Variants in SH3RF3 observed in about 807,000 individuals in gnomAD.
The protein encoded by SH3RF3 is E3 ubiquitin-protein ligase SH3RF3.
SH3RF3 carries 29 observed loss-of-function variants against 66.3 expected under a neutral mutation model. The ratio of observed to expected loss-of-function variants is 0.44; its 90% CI spans 0.33 to 0.60. SH3RF3 has a LOEUF of 0.60. Among genes scored for constraint, SH3RF3 ranks in the 20% least tolerant of loss-of-function variants. The pLI, the probability that SH3RF3 is intolerant of heterozygous loss-of-function variation, is 0.04. For synonymous variants in SH3RF3, 583 were observed against 532.0 expected (o/e 1.10, Z -1.32); for missense variants, 1,194 against 1,190.9 (o/e 1.00, Z -0.04).
intron 8 of SH3RF3, among the ~76,000 whole-genome samples, chr2:109,479,062 G>A (rs376294900): frequency 6.6e-6 from 1 of 152,180 alleles, no homozygotes; most frequent in Non-Finnish European, 1.5e-5. Context: ...GTTGACTGCT[G>A]GCTGGAACCT....
intron 1 of SH3RF3, among the ~76,000 whole-genome samples, chr2:109,169,284 G>T (rs932297461): frequency 6.6e-6 from 1 of 152,100 alleles, no homozygotes; most frequent in Non-Finnish European, 1.5e-5. Flanking sequence ...TGAGAGGCGG[G>T]TATATTATTT....
rs570929556 is a variant in SH3RF3 at position 109,448,791 on chromosome 2, A to G, written c.1829-379A>G. On this transcript the variant is annotated intron_variant, in intron 7 of 9. Transcript: ENST00000309415. ...AACCATCCCCTGCCTCAGTCTGTGG[A>G]AAAATTGTCTTCCACAAAACGGGTC... Among the ~76,000 whole-genome samples the G allele has an allele frequency of 2.0e-5, 3 of 152,296 alleles. No individual in the cohort carries two copies. The East Asian group carries it at 5.8e-4, about 29-fold the overall frequency.
At chr2:109,392,616 G>A (rs758274612) in intron 3 of SH3RF3, among the ~76,000 whole-genome samples, 4 of 151,886 alleles carry the variant, frequency 2.6e-5, no homozygotes, top group African/African-American at 7.3e-5. Context: ...GTGGGTTCAC[G>A]CCAGCCGTTC....
chr2:109,170,237 CTTTT>C (rs1677731768), intron 1 of SH3RF3, among the ~76,000 whole-genome samples: 1 of 32,988 alleles, frequency 3.0e-5, no homozygotes, highest in Non-Finnish European at 5.9e-5. Flanking sequence ...CTCTTCTCTT[CTTTT>C]CTTTTCTCTT....
intron 3 of SH3RF3, among the ~76,000 whole-genome samples, chr2:109,394,360 G>T (rs779428541): frequency 1.3e-5 from 2 of 152,100 alleles, no homozygotes; most frequent in Non-Finnish European, 2.9e-5. Flanking sequence ...CTGTCCCATG[G>T]ACAAGACTGC....
chr2:109,426,611 G>A (rs1356552436), intron 5 of SH3RF3, among the ~76,000 whole-genome samples: 1 of 152,154 alleles, frequency 6.6e-6, no homozygotes, highest in Non-Finnish European at 1.5e-5. Context: ...TGGTGAAGAT[G>A]GTGGGAACAT....
intron 3 of SH3RF3, 60 bp from the exon 4 acceptor site, chr2:109,398,530 G>A: frequency 1.4e-6 from 2 of 1,414,788 alleles, no homozygotes; most frequent in Non-Finnish European, 1.9e-6. Flanking sequence ...GAGTGCAGAG[G>A]GCTGGTGTGG....
chr2:109,236,078 C>T (rs1679641691), intron 1 of SH3RF3, among the ~76,000 whole-genome samples: 1 of 152,186 alleles, frequency 6.6e-6, no homozygotes, highest in Admixed American at 6.5e-5. Flanking sequence ...TCGCCTTGAC[C>T]TATTATAATA....
chr2:109,364,280 G>A (rs1042115142), intron 2 of SH3RF3, among the ~76,000 whole-genome samples: 15 of 151,818 alleles, frequency 9.9e-5, no homozygotes, highest in Non-Finnish European at 1.9e-4. Context: ...TAAGCACGTC[G>A]AAGGCATTCT....
At chr2:109,320,018 G>A (rs369014329) in intron 1 of SH3RF3, among the ~76,000 whole-genome samples, 139 of 152,292 alleles carry the variant, frequency 9.1e-4, no homozygotes, top group African/African-American at 3.1e-3. Flanking sequence ...GTTCCCAGCT[G>A]GAGCTGTTTC....
rs569749112 is a variant in SH3RF3, at chr2:109,318,593, C to T, written c.574-29081C>T. ...CAAAGTCATGTGAGTAGAGCCAGCTCCTGAGGGGATCGTCTCATGCTCACA... is the reference window on the plus strand; with the variant it reads ...CAAAGTCATGTGAGTAGAGCCAGCTTCTGAGGGGATCGTCTCATGCTCACA... On this transcript the variant is annotated intron_variant, in intron 1 of 9. Coordinates refer to ENST00000309415, the MANE Select transcript of SH3RF3 (RefSeq NM_001099289.3). Among the ~76,000 whole-genome samples, 3 of 152,322 alleles carry T rather than the reference C, an allele frequency of 2.0e-5. No individual in the cohort carries two copies. In the South Asian group the frequency reaches 6.2e-4, roughly 32 times the overall value.
intron 8 of SH3RF3, among the ~76,000 whole-genome samples, chr2:109,457,201 A>G (rs556329252): frequency 2.0e-5 from 3 of 152,236 alleles, no homozygotes; most frequent in Non-Finnish European, 4.4e-5. Flanking sequence ...GAACAAAAGT[A>G]TTAGAAATTA....
intron 1 of SH3RF3, among the ~76,000 whole-genome samples, chr2:109,180,434 C>T (rs1362233606): frequency 2.0e-5 from 3 of 152,288 alleles, no homozygotes; most frequent in East Asian, 1.9e-4. Context: ...ACTGGCTCCT[C>T]AGGGGTCAGG....
At chr2:109,409,978 C>T (rs549121904) in intron 4 of SH3RF3, among the ~76,000 whole-genome samples, 41 of 152,110 alleles carry the variant, frequency 2.7e-4, no homozygotes, top group Non-Finnish European at 5.1e-4. Flanking sequence ...TTCATCTGTT[C>T]CATAGTGTCA....
intron 8 of SH3RF3, among the ~76,000 whole-genome samples, chr2:109,456,382 C>T (rs116825419): frequency 0.01 from 1,594 of 152,310 alleles, 19 homozygotes; most frequent in Non-Finnish European, 0.015. Context: ...AGCGTGAATC[C>T]CAGCTGCCAA....
chr2:109,268,374 G>C (rs1043097965), intron 1 of SH3RF3, among the ~76,000 whole-genome samples: 10 of 151,898 alleles, frequency 6.6e-5, no homozygotes, highest in Non-Finnish European at 1.5e-4. Context: ...GGGGATGTCC[G>C]TTTCACCCGC....
At chr2:109,493,384 A>G (rs1364124158) in intron 9 of SH3RF3, among the ~76,000 whole-genome samples, 2 of 150,324 alleles carry the variant, frequency 1.3e-5, no homozygotes, top group Non-Finnish European at 3.0e-5. Context: ...GCAAACACAC[A>G]TGGTACAGAC....
rs150531286 is a variant in SH3RF3, at chr2:109,250,435, A to C, written c.574-97239A>C. On this transcript the variant is annotated intron_variant, in intron 1 of 9. Transcript: ENST00000309415. ...CGTTTCTTCATGAAACAATCATCATAATAAATTTTGATATACTCGGAAAAC... is the reference window on the plus strand; with the variant it reads ...CGTTTCTTCATGAAACAATCATCATCATAAATTTTGATATACTCGGAAAAC... Among the ~76,000 whole-genome samples the C allele has an allele frequency of 2.6e-3, 400 of 152,118 alleles. 2 individuals carry two copies. Among genetic ancestry groups the C allele is most frequent in the African/African-American group, 9.2e-3 (384 of 41,528 alleles).
intron 5 of SH3RF3, among the ~76,000 whole-genome samples, chr2:109,424,894 GT>G (rs1260729301): frequency 6.6e-6 from 1 of 152,188 alleles, no homozygotes; most frequent in Non-Finnish European, 1.5e-5. Context: ...CTCACTTTAA[GT>G]CAAAAGTTAG....
Sources: gnomAD v4.1 joint callset for allele counts (sites outside exome capture counted in the v4.1 genomes callset) on GRCh38, gnomAD v4.1.1 for gene constraint, MANE v1.5 for transcripts, NCBI Gene and HGNC (gene_info 2026-07-23, HGNC 2026-07-21) for gene names.